Variants in TTC27 observed in about 807,000 individuals in gnomAD.
TTC27 encodes tetratricopeptide repeat protein 27.
A neutral mutation model predicts 115.9 loss-of-function variants in TTC27; 79 were observed. The ratio of observed to expected loss-of-function variants is 0.68; its 90% CI spans 0.57 to 0.82. The LOEUF (loss-of-function observed/expected upper bound fraction) is 0.82, where lower values mean the gene tolerates loss of function less well. Among genes scored for constraint, TTC27 ranks in the 40% least tolerant of loss-of-function variants. The pLI, the probability that TTC27 is intolerant of heterozygous loss-of-function variation, is 0.00. For missense variants in TTC27, 1,054 were observed against 993.1 expected, an observed-to-expected ratio of 1.06 and a Z score of -0.82; for synonymous variants, 401 against 356.0, an observed-to-expected ratio of 1.13 and a Z score of -1.42.
chr2:32,815,223 ATTTTTT>A (rs533493768), intron 18 of TTC27, among the ~76,000 whole-genome samples: 4,413 of 54,632 alleles, frequency 0.081, 43 homozygotes, highest in Middle Eastern at 0.15. Flanking sequence ...GCTGCTTCAG[ATTTTTT>A]TTTTTTTTTT....
intron 10 of TTC27, among the ~76,000 whole-genome samples, chr2:32,711,692 C>G (rs1667586145): frequency 6.6e-6 from 1 of 152,128 alleles, no homozygotes; most frequent in Non-Finnish European, 1.5e-5. Flanking sequence ...GTAATCCCAG[C>G]ACTTTGGGAG....
intron 16 of TTC27, among the ~76,000 whole-genome samples, chr2:32,793,897 TA>T (rs1165533924): frequency 6.6e-6 from 1 of 152,216 alleles, no homozygotes; most frequent in African/African-American, 2.4e-5. Flanking sequence ...AAAAAACAGT[TA>T]TTAGTCTAAA....
chr2:32,808,216 T>C lies in TTC27; in HGVS notation c.1999-2808T>C, dbSNP rs192370466. Among the ~76,000 whole-genome samples the C allele has an allele frequency of 8.1e-3, 1,236 of 152,212 alleles. 9 individuals carry two copies. Among genetic ancestry groups the C allele is most frequent in the Non-Finnish European group, 0.013 (898 of 68,004 alleles). On this transcript the variant is annotated intron_variant, in intron 16 of 19. Coordinates refer to ENST00000317907, the MANE Select transcript of TTC27 (RefSeq NM_017735.5). ...TCCCAGAGTGCTGGGATTACAGGCGTGAGCCACTACGCCCAACCTACTTGC... is the reference window on the plus strand; with the variant it reads ...TCCCAGAGTGCTGGGATTACAGGCGCGAGCCACTACGCCCAACCTACTTGC...
intron 15 of TTC27, among the ~76,000 whole-genome samples, chr2:32,785,254 A>G (rs1396363489): frequency 1.3e-5 from 2 of 152,202 alleles, no homozygotes; most frequent in East Asian, 3.9e-4. Context: ...ATTTCACACA[A>G]TATTTCTAGA....
At chr2:32,727,410 G>A (rs894839707) in intron 10 of TTC27, among the ~76,000 whole-genome samples, 2 of 152,046 alleles carry the variant, frequency 1.3e-5, no homozygotes, top group African/African-American at 4.8e-5. Flanking sequence ...TATTATAACA[G>A]AGTATTTAAT....
At chr2:32,638,814 C>G (rs776769046) in intron 3 of TTC27, among the ~76,000 whole-genome samples, 1 of 152,134 alleles carries the variant, frequency 6.6e-6, no homozygotes, top group East Asian at 1.9e-4. Flanking sequence ...TACAAGAACC[C>G]TCTGAGGTAT....
chr2:32,672,409 C>T (rs778854701), intron 8 of TTC27, 25 bp downstream of exon 8: 1 of 1,501,492 alleles, frequency 6.7e-7, no homozygotes, highest in Non-Finnish European at 9.3e-7. Flanking sequence ...GACTTGGCTG[C>T]TTTGAACACT....
chr2:32,682,844 G>GTTT (rs142030247), intron 9 of TTC27, among the ~76,000 whole-genome samples: 1,465 of 56,822 alleles, frequency 0.026, 255 homozygotes, highest in East Asian at 0.068. Context: ...AATTTTTATT[G>GTTT]TTGTTTTTTT....
intron 19 of TTC27, among the ~76,000 whole-genome samples, chr2:32,819,679 C>T (rs1009253319): frequency 4.6e-5 from 7 of 152,118 alleles, no homozygotes; most frequent in African/African-American, 1.7e-4. Flanking sequence ...TCCATGCTCT[C>T]CCAGGACAGA....
chr2:32,653,909 G>A (rs932774200), intron 5 of TTC27, among the ~76,000 whole-genome samples: 4 of 152,288 alleles, frequency 2.6e-5, no homozygotes, highest in Admixed American at 2.6e-4. Flanking sequence ...TAAACCTTGA[G>A]TTATCTATCT....
At chr2:32,635,765 T>TG (rs113841002) in intron 3 of TTC27, among the ~76,000 whole-genome samples, 21 of 152,104 alleles carry the variant, frequency 1.4e-4, no homozygotes, top group East Asian at 3.9e-4. Context: ...AATAATTTGA[T>TG]GGGGGGGTAG....
At chr2:32,679,727 T>A (rs1666350021) in intron 9 of TTC27, among the ~76,000 whole-genome samples, 1 of 152,210 alleles carries the variant, frequency 6.6e-6, no homozygotes, top group Admixed American at 6.5e-5. Context: ...GCGAGGTGGC[T>A]CATGCCTGTA....
At chr2:32,724,181 G>A (rs543589484) in intron 10 of TTC27, among the ~76,000 whole-genome samples, 43 of 152,070 alleles carry the variant, frequency 2.8e-4, no homozygotes, top group African/African-American at 9.9e-4. Flanking sequence ...GGAGGTAGAT[G>A]GGCTGTAGGG....
intron 5 of TTC27, among the ~76,000 whole-genome samples, chr2:32,660,908 C>T (rs1046562359): frequency 6.5e-4 from 99 of 152,014 alleles, no homozygotes; most frequent in Non-Finnish European, 9.1e-4. Context: ...TTAGGTCTTA[C>T]GTTTAAGTCT....
In TTC27 at chr2:32,729,542, A is replaced by G. The variant is rs1234192030; in HGVS notation, c.1234-4286A>G. ...AAATACATATTCTCAAAGGACACTG[A>G]AAGTATAAATGTCTTTAGGCGGAGT... On this transcript the variant is annotated intron_variant, in intron 10 of 19. Coordinates refer to ENST00000317907, the MANE Select transcript of TTC27 (RefSeq NM_017735.5). 1.1e-4 allele frequency among the ~76,000 whole-genome samples: 15 copies of G among 138,606 alleles called. No individual in the cohort carries two copies. In the South Asian group the frequency reaches 3.1e-3, roughly 29 times the overall value. 90.9% of individuals were successfully genotyped at this position (138,606 alleles called of 152,430 possible).
intron 18 of TTC27, 22 bp from the exon 19 acceptor site, chr2:32,817,435 T>C: frequency 1.3e-6 from 2 of 1,590,192 alleles, no homozygotes; most frequent in East Asian, 2.2e-5. Context: ...AATGGATGTT[T>C]CTCTCCATAC....
intron 10 of TTC27, among the ~76,000 whole-genome samples, chr2:32,728,945 G>A (rs561026076): frequency 4.2e-4 from 64 of 152,060 alleles, no homozygotes; most frequent in African/African-American, 1.5e-3. Context: ...AAGCTGTTTG[G>A]CTCAACTATT....
intron 13 of TTC27, among the ~76,000 whole-genome samples, chr2:32,769,015 C>T (rs968446888): frequency 6.6e-6 from 1 of 152,112 alleles, no homozygotes; most frequent in Non-Finnish European, 1.5e-5. Context: ...GAGATAAAAG[C>T]CCTAGTGAAG....
At chr2:32,734,416 G>C (rs76843372) in intron 11 of TTC27, among the ~76,000 whole-genome samples, 2,833 of 152,168 alleles carry the variant, frequency 0.019, 49 homozygotes, top group Middle Eastern at 0.061. Flanking sequence ...AGGACTTTCT[G>C]CCAAAGAAGG....
Sources: gnomAD v4.1 joint callset for allele counts (sites outside exome capture counted in the v4.1 genomes callset) on GRCh38, gnomAD v4.1.1 for gene constraint, MANE v1.5 for transcripts, NCBI Gene and HGNC (gene_info 2026-07-23, HGNC 2026-07-21) for gene names.